PAK1: variants seen among roughly 807,000 people sequenced by gnomAD.
The protein encoded by PAK1 is serine/threonine-protein kinase PAK 1.
Under a neutral mutation model 67.4 loss-of-function variants are expected in PAK1, and 29 were observed. That is an observed-to-expected ratio of 0.43 (90% CI 0.32 to 0.59). The LOEUF is 0.59. Ranked by LOEUF, PAK1 falls within the 20% of genes least tolerant of loss-of-function variation. PAK1 has a pLI of 0.07. For synonymous variants in PAK1, 223 were observed against 237.4 expected (o/e 0.94, Z 0.56); for missense variants, 337 against 670.7 (o/e 0.50, Z 5.50).
intron 5 of PAK1, among the ~76,000 whole-genome samples, chr11:77,365,265 A>AAG (rs71043570): frequency 4.9e-5 from 4 of 82,018 alleles, no homozygotes; most frequent in African/African-American, 1.5e-4. Flanking sequence ...AAAAAAAAAA[A>AAG]AAAGAAAAAA....
chr11:77,502,816 G>A, the PAK1 span, among the ~76,000 whole-genome samples: 1 of 152,188 alleles, frequency 6.6e-6, no homozygotes, highest in Admixed American at 6.5e-5. Context: ...AGGACTGTAT[G>A]AAAAGAATGG....
the PAK1 span, among the ~76,000 whole-genome samples, chr11:77,490,096 C>T: frequency 1.3e-5 from 2 of 151,594 alleles, no homozygotes; most frequent in Admixed American, 6.6e-5. Flanking sequence ...CGCCTCTGCC[C>T]GGCCGCGACC....
chr11:77,452,321 T>G (rs1457786186), intron 1 of PAK1, among the ~76,000 whole-genome samples: 1 of 152,202 alleles, frequency 6.6e-6, no homozygotes, highest in African/African-American at 2.4e-5. Flanking sequence ...CCAGATCTCA[T>G]GCCCTCAAAT....
intron 11 of PAK1, among the ~76,000 whole-genome samples, chr11:77,339,779 T>G (rs1305871488): frequency 1.3e-5 from 2 of 152,062 alleles, no homozygotes; most frequent in African/African-American, 4.8e-5. Flanking sequence ...TCCCCTAATT[T>G]CCTAACTTTT....
chr11:77,330,229 A>G (rs1273530950), intron 14 of PAK1, among the ~76,000 whole-genome samples: 4 of 152,196 alleles, frequency 2.6e-5, no homozygotes, highest in African/African-American at 9.7e-5. Context: ...TTATAGATTC[A>G]ATGCCATCCC....
At chr11:77,478,118 CTTAAT>C (rs1958080032), upstream of PAK1, among the ~76,000 whole-genome samples, 3 of 148,298 alleles carry the variant, frequency 2.0e-5, no homozygotes, top group East Asian at 5.8e-4. Flanking sequence ...TGCCAGTTAA[CTTAAT>C]GTGCACATCT....
the PAK1 span, among the ~76,000 whole-genome samples, chr11:77,487,590 C>T: frequency 6.6e-6 from 1 of 152,036 alleles, no homozygotes; most frequent in Admixed American, 6.6e-5. Flanking sequence ...CCAGGCCCAG[C>T]AGCATTCACC....
chr11:77,372,499 C>G (rs1948573545), intron 5 of PAK1, among the ~76,000 whole-genome samples: 2 of 152,172 alleles, frequency 1.3e-5, no homozygotes, highest in Non-Finnish European at 2.9e-5. Context: ...TTTTTATAAT[C>G]AATATGTGTA....
At chr11:77,361,452 G>C (rs1198921036) in intron 5 of PAK1, among the ~76,000 whole-genome samples, 1 of 152,160 alleles carries the variant, frequency 6.6e-6, no homozygotes, top group African/African-American at 2.4e-5. Flanking sequence ...CAGAAAGTTA[G>C]CTGGGAATCA....
chr11:77,384,094 C>T (rs758494883), intron 2 of PAK1, among the ~76,000 whole-genome samples: 2 of 152,138 alleles, frequency 1.3e-5, no homozygotes, highest in East Asian at 3.9e-4. Context: ...AAAGGATGAA[C>T]AGGGGTTAGC....
At chr11:77,434,785 A>T (rs900696634) in intron 1 of PAK1, among the ~76,000 whole-genome samples, 6 of 151,750 alleles carry the variant, frequency 4.0e-5, no homozygotes, top group Non-Finnish European at 5.9e-5. Flanking sequence ...CGCCTGGCTA[A>T]TTTTTGTATT....
chr11:77,426,815 C>G (rs1281394359), intron 1 of PAK1, among the ~76,000 whole-genome samples: 1 of 127,132 alleles, frequency 7.9e-6, no homozygotes, highest in East Asian at 2.2e-4. Context: ...GAAAACCTGA[C>G]AGGAAAAGCA....
chr11:77,322,775 C>T lies in PAK1; in HGVS notation c.*499G>A, dbSNP rs918009429. 3.5e-5 allele frequency: 12 copies of T among 345,526 alleles called. No individual in the cohort carries two copies. Among genetic ancestry groups the T allele is most frequent in the African/African-American group, 2.3e-4 (11 of 48,058 alleles). 21.4% of individuals were successfully genotyped at this position (345,526 alleles called of 1,614,324 possible). On this transcript the variant is annotated 3_prime_UTR_variant, in exon 15 of 15. Coordinates refer to ENST00000356341, the MANE Select transcript of PAK1 (RefSeq NM_002576.5). ...TCCAGGAAGCTGAGCCTCTTCATGTCCCTGGCAGATTATCAAACCCCATGG... is the reference window on the plus strand; with the variant it reads ...TCCAGGAAGCTGAGCCTCTTCATGTTCCTGGCAGATTATCAAACCCCATGG...
At chr11:77,477,630 A>G (rs1958073973), upstream of PAK1, among the ~76,000 whole-genome samples, 1 of 150,278 alleles carries the variant, frequency 6.7e-6, no homozygotes, top group African/African-American at 2.5e-5. Flanking sequence ...CTATAGTCCC[A>G]TAGTCCCAGC....
chr11:77,458,839 C>T (rs1039094242), intron 1 of PAK1, among the ~76,000 whole-genome samples: 2 of 152,166 alleles, frequency 1.3e-5, no homozygotes, highest in East Asian at 3.9e-4. Context: ...TTTATTCAGT[C>T]TTTCAACAAA....
upstream of PAK1, among the ~76,000 whole-genome samples, chr11:77,478,873 G>A (rs1958087492): frequency 1.4e-5 from 2 of 146,770 alleles, no homozygotes; most frequent in African/African-American, 5.1e-5. Context: ...TCAGGAGATC[G>A]AGACCATCCT....
chr11:77,447,806 G>A (rs975915706), intron 1 of PAK1, among the ~76,000 whole-genome samples: 4 of 152,132 alleles, frequency 2.6e-5, no homozygotes, highest in South Asian at 4.1e-4. Context: ...GATTACAGGC[G>A]TGAGCCACCA....
chr11:77,349,191 TAA>T (rs1334703467), intron 9 of PAK1, 46 bp downstream of exon 9: 1 of 1,326,468 alleles, frequency 7.5e-7, no homozygotes, highest in Non-Finnish European at 1.1e-6. Flanking sequence ...TAATCCCAAA[TAA>T]AAAGAAACAG....
At chr11:77,496,284 T>G in the PAK1 span, among the ~76,000 whole-genome samples, 10 of 152,240 alleles carry the variant, frequency 6.6e-5, no homozygotes, top group African/African-American at 2.2e-4. Flanking sequence ...CCCAAAGTGC[T>G]GGATTACAGG....
Sources: gnomAD v4.1 joint callset for allele counts (sites outside exome capture counted in the v4.1 genomes callset) on GRCh38, gnomAD v4.1.1 for gene constraint, MANE v1.5 for transcripts, NCBI Gene and HGNC (gene_info 2026-07-23, HGNC 2026-07-21) for gene names.